The following PTPRN2 variants were observed in gnomAD, a reference collection of about 807,000 sequenced individuals.
PTPRN2 encodes receptor-type tyrosine-protein phosphatase N2.
Under a neutral mutation model 118.8 loss-of-function variants are expected in PTPRN2, and 74 were observed. The ratio of observed to expected loss-of-function variants is 0.62; its 90% CI spans 0.52 to 0.76. PTPRN2 has a LOEUF of 0.76. Among genes scored for constraint, PTPRN2 ranks in the 30% least tolerant of loss-of-function variants. The probability of loss-of-function intolerance (pLI) is 0.00; values close to 1 mark genes in which losing one functional copy is unlikely to be tolerated. For synonymous variants in PTPRN2, 641 were observed against 608.0 expected, an observed-to-expected ratio of 1.05 and a Z score of -0.80; for missense variants, 1,481 against 1,394.4, an observed-to-expected ratio of 1.06 and a Z score of -0.99.
chr7:158,034,575 C>T (rs1268640888), intron 11 of PTPRN2, among the ~76,000 whole-genome samples: 1 of 152,218 alleles, frequency 6.6e-6, no homozygotes, highest in African/African-American at 2.4e-5. Flanking sequence ...CCACATGGAA[C>T]TGTAAGTCCA....
chr7:157,785,307 G>A lies in PTPRN2; in HGVS notation c.1789-102370C>T, dbSNP rs1196022444. ...GTGTAAATCCACACTCTATGGTGACGGTGGATCCACAGCTGCCGCGGGTCC... is the reference window on the plus strand; with the variant it reads ...GTGTAAATCCACACTCTATGGTGACAGTGGATCCACAGCTGCCGCGGGTCC... On this transcript the variant is annotated intron_variant, in intron 12 of 22. Coordinates refer to ENST00000389418, the MANE Select transcript of PTPRN2 (RefSeq NM_002847.5). This position sits in a 1 kb window ranked among gnomAD's most constrained non-coding sequence, Gnocchi z 7.3. Among the ~76,000 whole-genome samples, 9 of 152,180 alleles carry A rather than the reference G, an allele frequency of 5.9e-5. No individual in the cohort carries two copies. The highest frequency in any genetic ancestry group is 5.9e-4 in the Admixed American group (9 of 15,290).
chr7:157,866,873 C>T (rs112257487), intron 12 of PTPRN2, among the ~76,000 whole-genome samples: 13 of 104,200 alleles, frequency 1.2e-4, no homozygotes, highest in African/African-American at 3.7e-4. Context: ...ACCCCGCCCC[C>T]GACGCCCTGG....
chr7:158,354,151 C>T (rs892700464), intron 2 of PTPRN2, among the ~76,000 whole-genome samples: 2 of 152,176 alleles, frequency 1.3e-5, no homozygotes, highest in South Asian at 2.1e-4. Flanking sequence ...GGGCTTAAGG[C>T]GCCATCTAGT....
At chr7:158,359,103 G>C (rs1808624524) in intron 2 of PTPRN2, among the ~76,000 whole-genome samples, 1 of 152,182 alleles carries the variant, frequency 6.6e-6, no homozygotes. Flanking sequence ...AGGAAGGCAG[G>C]CAGCATCTGG....
intron 1 of PTPRN2, among the ~76,000 whole-genome samples, chr7:158,564,437 G>A (rs1222953745): frequency 6.6e-6 from 1 of 152,224 alleles, no homozygotes; most frequent in Non-Finnish European, 1.5e-5. Flanking sequence ...CCATCACCAG[G>A]ACGTGAGGCT....
intron 2 of PTPRN2, among the ~76,000 whole-genome samples, chr7:158,423,900 C>T (rs1427444398): frequency 6.6e-6 from 1 of 152,210 alleles, no homozygotes; most frequent in East Asian, 1.9e-4. Context: ...CTGCTTTGCA[C>T]GGAGTTCTGC....
chr7:158,236,009 C>T (rs1393420979), intron 3 of PTPRN2, among the ~76,000 whole-genome samples: 4 of 152,128 alleles, frequency 2.6e-5, no homozygotes, highest in African/African-American at 7.2e-5. Flanking sequence ...ACGGAGACGT[C>T]GTGGGGGAAA....
chr7:157,651,725 C>T (rs1209537262), intron 14 of PTPRN2, among the ~76,000 whole-genome samples: 1 of 152,232 alleles, frequency 6.6e-6, no homozygotes, highest in Non-Finnish European at 1.5e-5. Flanking sequence ...TGAGAAGCCA[C>T]GTCCCCGCAG....
intron 2 of PTPRN2, among the ~76,000 whole-genome samples, chr7:158,326,070 G>A (rs953876817): frequency 6.6e-6 from 1 of 152,162 alleles, no homozygotes; most frequent in Non-Finnish European, 1.5e-5. Flanking sequence ...GAGAGAATGG[G>A]ACCACATCCA....
In PTPRN2 at chr7:158,330,866, G is replaced by A. The variant is rs1426844685; in HGVS notation, c.164-13934C>T. Among the ~76,000 whole-genome samples, 7 of 97,214 alleles carry A rather than the reference G, an allele frequency of 7.2e-5. 1 individual carries two copies. Among genetic ancestry groups the A allele is most frequent in the African/African-American group, 1.9e-4 (5 of 26,422 alleles). 63.8% of individuals were successfully genotyped at this position (97,214 alleles called of 152,430 possible). On this transcript the variant is annotated intron_variant, in intron 2 of 22. Transcript: ENST00000389418. Reference sequence around the variant, plus strand: ...ATTCTCACCATAAGAGCTGATGCCCGCAGACGTCATTCACACCCAAACTCT... The same window carrying A: ...ATTCTCACCATAAGAGCTGATGCCCACAGACGTCATTCACACCCAAACTCT...
At chr7:157,728,509 A>G (rs1799722086) in intron 12 of PTPRN2, among the ~76,000 whole-genome samples, 1 of 152,194 alleles carries the variant, frequency 6.6e-6, no homozygotes, top group South Asian at 2.1e-4. Flanking sequence ...AAACAGCTTT[A>G]AAGTTCAAGG....
At chr7:157,688,611 G>C (rs750740026) in intron 12 of PTPRN2, among the ~76,000 whole-genome samples, 1 of 152,232 alleles carries the variant, frequency 6.6e-6, no homozygotes, top group African/African-American at 2.4e-5. Context: ...TCCACACCAG[G>C]TGCTTCTCGG....
In PTPRN2 at chr7:157,675,845, GGGGCT is replaced by G. The variant is rs569601551; in HGVS notation, c.2001+6875_2001+6879del. ...TGAGGAAGGCGGCCTTCGGGAGGGA[GGGGCT>G]GGGCCTCGCACCCCAGGGAATGGAA... On this transcript the variant is annotated intron_variant, in intron 13 of 22. Transcript: ENST00000389418. Among the ~76,000 whole-genome samples the G allele has an allele frequency of 5.1e-4, 77 of 152,298 alleles. No homozygotes were observed. The South Asian group carries it at 0.016, about 31-fold the overall frequency.
intron 6 of PTPRN2, among the ~76,000 whole-genome samples, chr7:158,165,928 A>T (rs546905657): frequency 6.6e-6 from 1 of 152,172 alleles, no homozygotes; most frequent in African/African-American, 2.4e-5. Context: ...CAGCTAGTGC[A>T]TGGTGAGCAG....
chr7:158,502,052 C>T (rs774299485), intron 1 of PTPRN2, among the ~76,000 whole-genome samples: 4 of 152,282 alleles, frequency 2.6e-5, no homozygotes, highest in East Asian at 1.9e-4. Context: ...CTCCTCGTTC[C>T]GACTCTCTGC....
At chr7:157,938,169 C>T (rs1799833550) in intron 11 of PTPRN2, among the ~76,000 whole-genome samples, 1 of 152,236 alleles carries the variant, frequency 6.6e-6, no homozygotes, top group African/African-American at 2.4e-5. Flanking sequence ...CTGCCAAATG[C>T]ACGCACAGAT....
intron 2 of PTPRN2, among the ~76,000 whole-genome samples, chr7:158,449,153 A>G (rs1817926310): frequency 1.3e-5 from 2 of 152,172 alleles, no homozygotes; most frequent in African/African-American, 4.8e-5. Flanking sequence ...CCCAGTGAAC[A>G]CTGAAAACAA....
At chr7:157,846,619 C>T (rs1808821868) in intron 12 of PTPRN2, among the ~76,000 whole-genome samples, 1 of 152,244 alleles carries the variant, frequency 6.6e-6, no homozygotes, top group Non-Finnish European at 1.5e-5. Context: ...ATCATCATCC[C>T]TGTGCTGCAG....
intron 12 of PTPRN2, among the ~76,000 whole-genome samples, chr7:157,848,585 T>C (rs1809049545): frequency 6.6e-6 from 1 of 152,252 alleles, no homozygotes; most frequent in Non-Finnish European, 1.5e-5. Flanking sequence ...CAACAGTTCC[T>C]GGCTTTACAG....
Sources: allele counts gnomAD v4.1 joint callset (sites outside exome capture counted in the v4.1 genomes callset), GRCh38; gene constraint gnomAD v4.1.1; non-coding constraint Gnocchi (gnomAD v3.1); transcripts MANE v1.5; gene names NCBI Gene and HGNC (gene_info 2026-07-23, HGNC 2026-07-21).